ANKRD54: variants seen among roughly 807,000 people sequenced by gnomAD.
ANKRD54 encodes ankyrin repeat domain-containing protein 54.
ANKRD54 carries 26 observed loss-of-function variants against 36.2 expected under a neutral mutation model. The observed-to-expected ratio is 0.72, with a 90% CI of 0.53 to 1.00. The LOEUF is 1.00. ANKRD54 is among the 50% of genes least tolerant of loss of function. ANKRD54 has a pLI of 0.00. For missense variants in ANKRD54, 384 were observed against 424.3 expected (o/e 0.91, Z 0.83); for synonymous variants, 209 against 188.4 (o/e 1.11, Z -0.89).
At chr22:37,843,821 G>A in intron 1 of ANKRD54, 90 bp downstream of exon 1, 1 of 984,488 alleles carries the variant, frequency 1.0e-6, no homozygotes, top group South Asian at 5.0e-5. Flanking sequence ...AGGGTCGGGG[G>A]CGACCAAAGC....
At chr22:37,843,842 G>C in intron 1 of ANKRD54, 69 bp downstream of exon 1, 1 of 1,122,752 alleles carries the variant, frequency 8.9e-7, no homozygotes, top group Non-Finnish European at 1.1e-6. Flanking sequence ...GCGGCCACTG[G>C]TCCTCTGAGG....
chr22:37,835,215 A>G (rs1329961314), intron 3 of ANKRD54, among the ~76,000 whole-genome samples: 2 of 152,080 alleles, frequency 1.3e-5, no homozygotes, highest in Non-Finnish European at 2.9e-5. Context: ...ATAAAAAATT[A>G]GGTGGGTGTG....
upstream of ANKRD54, among the ~76,000 whole-genome samples, chr22:37,846,092 G>A (rs899922523): frequency 6.8e-6 from 1 of 147,966 alleles, no homozygotes; most frequent in Non-Finnish European, 1.5e-5. Context: ...GGAGAATGGC[G>A]TGAACCCAGG....
intron 6 of ANKRD54, 50 bp downstream of exon 6, chr22:37,832,908 T>C: frequency 6.2e-7 from 1 of 1,608,662 alleles, no homozygotes; most frequent in Non-Finnish European, 8.5e-7. Context: ...GGGCAGCATC[T>C]GTCCAGTGCT....
rs1419468727 is a variant in ANKRD54 at position 37,844,258 on chromosome 22, C to A, written c.-20G>T. On this transcript the variant is annotated 5_prime_UTR_variant, in exon 1 of 8. Transcript: ENST00000215941. The stretch of plus-strand genomic sequence containing the variant: ...TGCCATGGCAACGGCTCCGCGCGGG[C>A]CTGGCCGCCTGAGCCTCGTTCCCGA... 1.6e-5 allele frequency: 24 copies of A among 1,543,872 alleles called. No homozygotes were observed. In the East Asian group the frequency reaches 4.9e-4, roughly 32 times the overall value.
chr22:37,833,261 C>T (rs970124648), intron 4 of ANKRD54, 55 bp from the exon 5 acceptor site: 11 of 1,597,258 alleles, frequency 6.9e-6, no homozygotes, highest in East Asian at 2.2e-5. Flanking sequence ...CCTGGCTCTG[C>T]GTGGCCACTG....
intron 3 of ANKRD54, among the ~76,000 whole-genome samples, chr22:37,836,277 T>C (rs1011558021): frequency 1.0e-4 from 15 of 148,912 alleles, no homozygotes; most frequent in African/African-American, 3.7e-4. Context: ...AGAAACCCGG[T>C]CTCCACTAAA....
At chr22:37,842,870 A>G (rs1924451443) in intron 1 of ANKRD54, among the ~76,000 whole-genome samples, 1 of 152,226 alleles carries the variant, frequency 6.6e-6, no homozygotes, top group East Asian at 1.9e-4. Flanking sequence ...ACAATATGGT[A>G]GATATACCAG....
At chr22:37,841,007 G>A (rs1221194788) in intron 1 of ANKRD54, among the ~76,000 whole-genome samples, 4 of 151,246 alleles carry the variant, frequency 2.6e-5, no homozygotes, top group Non-Finnish European at 5.9e-5. Flanking sequence ...GGTTGAAGCC[G>A]GAAGGCGGAG....
In ANKRD54 at chr22:37,844,168, G is replaced by A; in HGVS notation, c.71C>T (p.Ala24Val). Reference sequence around the variant, plus strand: ...GTCAGTCAGCGGCTCCGGCGCCACCGCGCACTCGCCCTCCGAGCTCGAGTG... The same window carrying A: ...GTCAGTCAGCGGCTCCGGCGCCACCACGCACTCGCCCTCCGAGCTCGAGTG... ...SGHSSSEGEC[A>V]VAPEPLTDAE... The change falls in exon 1 of 8, where the codon GCG becomes GTG. Residue 24 changes from alanine (A) to valine (V), a missense_variant. Transcript: ENST00000215941. 1 of 1,501,396 alleles carries A rather than the reference G, an allele frequency of 6.7e-7. No homozygotes were observed. The highest frequency in any genetic ancestry group is 8.8e-7 in the Non-Finnish European group (1 of 1,132,570). The allele number at this position is 1,501,396 out of a possible 1,614,324, so 93.0% of individuals were successfully genotyped here.
intron 1 of ANKRD54, 79 bp downstream of exon 1, chr22:37,843,832 G>C (rs961793264): frequency 2.3e-5 from 24 of 1,061,586 alleles, no homozygotes; most frequent in Middle Eastern, 3.7e-4. Flanking sequence ...CGACCAAAGC[G>C]CGGCCACTGG....
rs1412252218 is a variant in ANKRD54 at position 37,833,175 on chromosome 22, G to C, written c.579C>G (p.Thr193=). The change falls in exon 5 of 8, where the codon ACC becomes ACG. Residue 193 remains threonine (T), a synonymous_variant. Coordinates refer to ENST00000215941, the MANE Select transcript of ANKRD54 (RefSeq NM_138797.4). ...ACCACATACCTCCTCGTAGCAGTGT[G>C]GTGATGACAGGAACGTGGTTGGTGC... ...AACTNHVPVI[T]TLLRGGARVD... 1.2e-6 allele frequency: 2 copies of C among 1,613,852 alleles called. No homozygotes were observed. Among genetic ancestry groups the C allele is most frequent in the South Asian group, 2.2e-5 (2 of 91,048 alleles).
chr22:37,849,178 G>T, upstream of ANKRD54: 1 of 488,196 alleles, frequency 2.0e-6, no homozygotes, highest in Non-Finnish European at 3.7e-6. Context: ...TAGAGACGGG[G>T]TTTCTCCATA....
At chr22:37,849,297 T>G, upstream of ANKRD54, 1 of 942,816 alleles carries the variant, frequency 1.1e-6, no homozygotes, top group African/African-American at 1.6e-5. Flanking sequence ...CGGCTCCTCT[T>G]CCTTCTGGAT....
At position 37,838,517 on chromosome 22, in the gene ANKRD54, T is replaced by C. The variant is rs1473759319; in HGVS notation, c.458A>G (p.Asn153Ser). The change falls in exon 3 of 8, where the codon AAT becomes AGT. Residue 153 changes from asparagine to serine, a missense_variant. Transcript: ENST00000215941. ...GGACTCACCAATCTGGTCATTGCCA[T>C]TGCATGAGGCAAAGTGTAGAGCTGT... ...GRTALHFASCNGNDQIVQLLL... is the reference protein window; with the variant it reads ...GRTALHFASCSGNDQIVQLLL... 1.9e-6 allele frequency: 3 copies of C among 1,612,264 alleles called. No individual in the cohort carries two copies. Among genetic ancestry groups the C allele is most frequent in the Admixed American group, 3.3e-5 (2 of 59,876 alleles).
upstream of ANKRD54, among the ~76,000 whole-genome samples, chr22:37,846,882 CTCGCTCTG>C (rs145725956): frequency 0.57 from 82,112 of 144,128 alleles, 23,278 homozygotes; most frequent in East Asian, 0.86. Context: ...GAGACGGAGT[CTCGCTCTG>C]TCGCCCAGGC....
chr22:37,841,875 AT>A (rs1924304672), intron 1 of ANKRD54, among the ~76,000 whole-genome samples: 2 of 60,314 alleles, frequency 3.3e-5, no homozygotes, highest in Non-Finnish European at 5.4e-5. Flanking sequence ...AAATAAATAA[AT>A]AAATAAATAA....
intron 1 of ANKRD54, among the ~76,000 whole-genome samples, chr22:37,841,892 T>TAAATAAATA (rs1555911916): frequency 0.011 from 348 of 30,500 alleles, 1 homozygote; most frequent in Non-Finnish European, 0.013. Flanking sequence ...AATAAATAAA[T>TAAATAAATA]AAATAAAATA....
upstream of ANKRD54, among the ~76,000 whole-genome samples, chr22:37,846,626 G>A (rs894358602): frequency 6.6e-6 from 1 of 151,708 alleles, no homozygotes; most frequent in Non-Finnish European, 1.5e-5. Flanking sequence ...TTTAAGATGG[G>A]GTCTCACTAT....
Sources: allele counts gnomAD v4.1 joint callset (sites outside exome capture counted in the v4.1 genomes callset), GRCh38; gene constraint gnomAD v4.1.1; transcripts MANE v1.5; gene names NCBI Gene and HGNC (gene_info 2026-07-23, HGNC 2026-07-21).